The following PCDHA2 variants were observed in gnomAD, a reference collection of about 807,000 sequenced individuals.
PCDHA2 encodes protocadherin alpha 2, also known as protocadherin alpha-2.
In PCDHA2, 58 loss-of-function variants were observed where a neutral mutation model predicts 66.0. That is an observed-to-expected ratio of 0.88 (90% CI 0.71 to 1.09). The LOEUF (loss-of-function observed/expected upper bound fraction) is 1.09, where lower values mean the gene tolerates loss of function less well. Ranked by LOEUF, PCDHA2 falls within the 50% of genes least tolerant of loss-of-function variation. The pLI, the probability that PCDHA2 is intolerant of heterozygous loss-of-function variation, is 0.00. For synonymous variants in PCDHA2, 634 were observed against 554.0 expected, an observed-to-expected ratio of 1.14 and a Z score of -2.03; for missense variants, 1,267 against 1,242.3, an observed-to-expected ratio of 1.02 and a Z score of -0.30.
intron 1 of PCDHA2, among the ~76,000 whole-genome samples, chr5:140,891,819 G>A (rs1282245838): frequency 6.6e-6 from 1 of 152,216 alleles, no homozygotes. Flanking sequence ...ATAAATTAAC[G>A]GCACTGTAAA....
chr5:140,928,262 A>T lies in PCDHA2; in HGVS notation c.2389-50687A>T, dbSNP rs199571652. ...CAGCAGGAACTTTTCGTTGCTGAAA[A>T]CAATGGCCCTGGGGCCTCTCTAGGC... is the stretch of plus-strand genomic sequence containing the variant. On this transcript the variant is annotated intron_variant, in intron 1 of 3. Coordinates refer to ENST00000526136, the MANE Select transcript of PCDHA2 (RefSeq NM_018905.3). 20 of 1,614,214 alleles carry T rather than the reference A, an allele frequency of 1.2e-5. No homozygotes were observed. In the Admixed American group the frequency reaches 2.2e-4, roughly 17 times the overall value.
intron 1 of PCDHA2, chr5:140,882,622 T>C (rs782369081): frequency 1.1e-4 from 185 of 1,614,060 alleles, no homozygotes; most frequent in Non-Finnish European, 1.5e-4. Context: ...AGGTTTTCCA[T>C]GTGGAGGTGA....
intron 1 of PCDHA2, among the ~76,000 whole-genome samples, chr5:140,897,105 C>T (rs981189512): frequency 3.3e-5 from 5 of 152,062 alleles, no homozygotes; most frequent in South Asian, 2.1e-4. Flanking sequence ...TAAAAATCTC[C>T]ACTTTCTGTC....
intron 1 of PCDHA2, chr5:140,824,619 T>TTG (rs1768249462): frequency 7.7e-6 from 1 of 129,516 alleles, no homozygotes; most frequent in African/African-American, 3.5e-5. Flanking sequence ...AGTTTTTTTT[T>TTG]TTTTTTTTTT....
chr5:140,830,427 G>A, intron 1 of PCDHA2: 1 of 1,613,868 alleles, frequency 6.2e-7, no homozygotes, highest in Non-Finnish European at 8.5e-7. Flanking sequence ...CTTTCACCTT[G>A]TCCTATTATG....
intron 1 of PCDHA2, among the ~76,000 whole-genome samples, chr5:140,872,108 A>G (rs980071264): frequency 1.3e-5 from 2 of 152,072 alleles, no homozygotes; most frequent in African/African-American, 4.8e-5. Context: ...TGGCTTTCCT[A>G]ACTTCAGGCT....
At chr5:140,909,561 C>G (rs1281989854) in intron 1 of PCDHA2, among the ~76,000 whole-genome samples, 1 of 152,110 alleles carries the variant, frequency 6.6e-6, no homozygotes, top group Non-Finnish European at 1.5e-5. Flanking sequence ...TCTCTGCAAC[C>G]CATCCAGAGA....
At chr5:140,828,257 C>G (rs2150153164) in intron 1 of PCDHA2, 31 of 1,613,872 alleles carry the variant, frequency 1.9e-5, no homozygotes, top group Non-Finnish European at 2.5e-5. Context: ...GGGGCTGGAG[C>G]TGGCGGAGCT....
At chr5:140,801,086 T>A in intron 1 of PCDHA2, 1 of 1,489,776 alleles carries the variant, frequency 6.7e-7, no homozygotes, top group Non-Finnish European at 8.9e-7. Flanking sequence ...CTTTGCTTCA[T>A]CCTCTCTAAA....
At chr5:140,876,274 G>C (rs1554168448) in intron 1 of PCDHA2, 8 of 1,613,990 alleles carry the variant, frequency 5.0e-6, no homozygotes, top group Non-Finnish European at 6.8e-6. Context: ...AAATGCTTCC[G>C]ATCCAGACGA....
chr5:140,920,716 C>T (rs1456008356), intron 1 of PCDHA2, among the ~76,000 whole-genome samples: 3 of 151,916 alleles, frequency 2.0e-5, no homozygotes, highest in South Asian at 2.1e-4. Flanking sequence ...TGGTGGTGTG[C>T]GCCTGCAGTC....
chr5:140,862,857 T>A (rs782223560), intron 1 of PCDHA2: 4 of 517,166 alleles, frequency 7.7e-6, no homozygotes, highest in Non-Finnish European at 1.5e-5. Flanking sequence ...TGAGCAGCAA[T>A]GTGACGCTGC....
intron 1 of PCDHA2, chr5:140,862,866 GC>G (rs11321479): frequency 0.66 from 374,898 of 571,004 alleles, 123,608 homozygotes; most frequent in Middle Eastern, 0.71. Context: ...ATGTGACGCT[GC>G]CAGGTATTAG....
chr5:140,804,884 C>G (rs1763474759), intron 1 of PCDHA2: 6 of 629,668 alleles, frequency 9.5e-6, no homozygotes, highest in African/African-American at 1.9e-5. Context: ...CTTGACTCCT[C>G]TCCTTCCCCT....
At chr5:140,909,868 G>A (rs782144709) in intron 1 of PCDHA2, among the ~76,000 whole-genome samples, 9 of 152,136 alleles carry the variant, frequency 5.9e-5, no homozygotes, top group Non-Finnish European at 8.8e-5. Flanking sequence ...TGGAGTCAAC[G>A]TCAGCTTAGA....
At position 140,829,707 on chromosome 5, in the gene PCDHA2, AC is replaced by A. The variant is rs2150172944; in HGVS notation, c.2388+32356del. On this transcript the variant is annotated intron_variant, in intron 1 of 3. Transcript: ENST00000526136. ...CTGCAGTTTCAGGTGAGCGCGCGCG[AC>A]GCGGGCGTGCCGCCTCTGGGCAGCA... is the stretch of plus-strand genomic sequence containing the variant. 3.1e-6 allele frequency: 5 copies of A among 1,613,270 alleles called. No individual in the cohort carries two copies. In the East Asian group the frequency reaches 1.1e-4, roughly 36 times the overall value.
intron 1 of PCDHA2, chr5:140,876,230 A>C: frequency 6.2e-7 from 1 of 1,613,886 alleles, no homozygotes; most frequent in South Asian, 1.1e-5. Flanking sequence ...GTGTTGTCTG[A>C]AAATGTCCAA....
rs975848119 is a variant in PCDHA2, at chr5:140,796,996, G to T, written c.2032G>T (p.Ala678Ser). The change falls in exon 1 of 4, where the codon GCC becomes TCC. Residue 678 changes from alanine (A) to serine (S), a missense_variant. Transcript: ENST00000526136. ...GGTGGAAAGTGGCCAGGCACCCAAG[G>T]CCTCGTCGCGGGCGTGGGTGGGCGC... Reference protein sequence around the residue: ...SLVESGQAPKASSRAWVGAAG... With the variant: ...SLVESGQAPKSSSRAWVGAAG... 2 of 1,613,626 alleles carry T rather than the reference G, an allele frequency of 1.2e-6. No individual in the cohort carries two copies. Among genetic ancestry groups the T allele is most frequent in the Admixed American group, 1.7e-5 (1 of 60,006 alleles).
At chr5:140,808,665 C>A in intron 1 of PCDHA2, 1 of 1,613,018 alleles carries the variant, frequency 6.2e-7, no homozygotes, top group Non-Finnish European at 8.5e-7. Context: ...GTGTCCTACT[C>A]GCTGGTAGAG....
Sources: gnomAD v4.1 joint callset for allele counts (sites outside exome capture counted in the v4.1 genomes callset) on GRCh38, gnomAD v4.1.1 for gene constraint, MANE v1.5 for transcripts, NCBI Gene and HGNC (gene_info 2026-07-23, HGNC 2026-07-21) for gene names.